TVP23B: variants seen among roughly 807,000 people sequenced by gnomAD.
TVP23B encodes the protein trans-golgi network vesicle protein 23 homolog B.
A neutral mutation model predicts 30.6 loss-of-function variants in TVP23B; 10 were observed. The observed-to-expected ratio is 0.33, with a 90% CI of 0.20 to 0.55. The LOEUF is 0.55. Ranked by LOEUF, TVP23B falls within the 20% of genes least tolerant of loss-of-function variation. TVP23B has a pLI of 0.91. For synonymous variants in TVP23B, 67 were observed against 83.1 expected, an observed-to-expected ratio of 0.81 and a Z score of 1.06; for missense variants, 153 against 243.2, an observed-to-expected ratio of 0.63 and a Z score of 2.47.
intron 1 of TVP23B, among the ~76,000 whole-genome samples, chr17:18,788,649 G>A (rs984795739): frequency 4.3e-4 from 65 of 151,548 alleles, no homozygotes; most frequent in Middle Eastern, 3.4e-3. Flanking sequence ...GGGTGTGGTG[G>A]CACACGCCTG....
intron 1 of TVP23B, among the ~76,000 whole-genome samples, chr17:18,788,719 T>C (rs925564759): frequency 2.0e-5 from 3 of 152,032 alleles, no homozygotes; most frequent in African/African-American, 7.2e-5. Context: ...GAGGCGGAGG[T>C]TGCAGTGAGC....
At chr17:18,787,417 A>C (rs946544811) in intron 1 of TVP23B, among the ~76,000 whole-genome samples, 2 of 149,536 alleles carry the variant, frequency 1.3e-5, no homozygotes, top group African/African-American at 2.5e-5. Context: ...AAAAAAAAAA[A>C]AACCTTGTCT....
intron 1 of TVP23B, among the ~76,000 whole-genome samples, chr17:18,785,036 G>A (rs1347835811): frequency 1.3e-5 from 2 of 152,122 alleles, no homozygotes; most frequent in Non-Finnish European, 2.9e-5. Context: ...CACCTCCACT[G>A]CATCCATCTT....
intron 3 of TVP23B, among the ~76,000 whole-genome samples, chr17:18,794,208 A>G (rs1056219000): frequency 2.1e-4 from 32 of 152,242 alleles, no homozygotes; most frequent in African/African-American, 7.5e-4. Context: ...GGCAACATCA[A>G]TTTGATAGCA....
chr17:18,788,718 G>A (rs1468291810), intron 1 of TVP23B, among the ~76,000 whole-genome samples: 4 of 152,062 alleles, frequency 2.6e-5, no homozygotes, highest in Non-Finnish European at 5.9e-5. Context: ...GGAGGCGGAG[G>A]TTGCAGTGAG....
In TVP23B at chr17:18,781,277, G is replaced by A; in HGVS notation, c.-17G>A. On this transcript the variant is annotated 5_prime_UTR_variant, in exon 1 of 7. Transcript: ENST00000307767. ...CGCTGACGTGGCTCCCGGAAGTAGG[G>A]CTGGCGTAGGGCCGCCATGTTGCAG... The A allele has an allele frequency of 2.5e-6, 4 of 1,569,094 alleles. No individual in the cohort carries two copies. In the South Asian group the frequency reaches 3.5e-5, roughly 14 times the overall value.
chr17:18,805,538 C>A lies in TVP23B; in HGVS notation c.592-3C>A, dbSNP rs1418929949. On this transcript the variant is annotated splice_polypyrimidine_tract_variant and splice_region_variant and intron_variant, in intron 6 of 6. Transcript: ENST00000307767. ...AGGAGTTTTTTTTTTTTGTCTTTTGCAGAACACTGGAGATGATCAGACTTC... is the reference window on the plus strand; with the variant it reads ...AGGAGTTTTTTTTTTTTGTCTTTTGAAGAACACTGGAGATGATCAGACTTC... 7 of 1,588,376 alleles carry A rather than the reference C, an allele frequency of 4.4e-6. No individual in the cohort carries two copies. The highest frequency in any genetic ancestry group is 1.4e-5 in the African/African-American group (1 of 72,332).
Position 18,800,006 on chromosome 17 carries a change from C to T in TVP23B, c.462+1063C>T, listed in dbSNP as rs181898003. Among the ~76,000 whole-genome samples, 854 of 152,262 alleles carry T rather than the reference C, an allele frequency of 5.6e-3. 6 individuals carry two copies. The highest frequency in any genetic ancestry group is 0.02 in the African/African-American group (811 of 41,562). On this transcript the variant is annotated intron_variant, in intron 5 of 6. Coordinates refer to ENST00000307767, the MANE Select transcript of TVP23B (RefSeq NM_016078.6). The stretch of plus-strand genomic sequence containing the variant: ...CTTTATATGTTTATATCATTACCCT[C>T]TTTCATGAATTAGGAAATTTATTCA...
At chr17:18,788,874 G>A (rs554946691) in intron 1 of TVP23B, among the ~76,000 whole-genome samples, 2 of 152,040 alleles carry the variant, frequency 1.3e-5, no homozygotes, top group South Asian at 4.1e-4. Context: ...CCCCGAGGAG[G>A]CATGAAAAGA....
chr17:18,805,509 G>A (rs200817097), intron 6 of TVP23B, 32 bp from the exon 7 acceptor site: 2 of 1,569,378 alleles, frequency 1.3e-6, no homozygotes, highest in South Asian at 1.1e-5. Context: ...TAACTTTGAT[G>A]TTAAGGAGTT....
chr17:18,783,403 G>A (rs1322059679), intron 1 of TVP23B, among the ~76,000 whole-genome samples: 1 of 152,208 alleles, frequency 6.6e-6, no homozygotes, highest in Non-Finnish European at 1.5e-5. Flanking sequence ...GCCAGGCCCG[G>A]CCGACGGTTC....
chr17:18,781,353 C>G lies in TVP23B; in HGVS notation c.12+48C>G, dbSNP rs369359115. The G allele has an allele frequency of 5.2e-5, 82 of 1,562,416 alleles. No homozygotes were observed. The African/African-American group carries it at 1.0e-3, about 20-fold the overall frequency. Reference sequence around the variant, plus strand: ...GGAGGGTGGCGGCTCCTGGGACTGGCTCTGCAGGTTCCGTGGGACTGGAGC... The same window carrying G: ...GGAGGGTGGCGGCTCCTGGGACTGGGTCTGCAGGTTCCGTGGGACTGGAGC... On this transcript the variant is annotated intron_variant, in intron 1 of 6. Transcript: ENST00000307767.
chr17:18,783,026 G>A (rs1471781512), intron 1 of TVP23B, among the ~76,000 whole-genome samples: 4 of 146,292 alleles, frequency 2.7e-5, no homozygotes, highest in Admixed American at 7.0e-5. Context: ...TTGAACCTGC[G>A]CCCAGGCCGG....
intron 1 of TVP23B, among the ~76,000 whole-genome samples, chr17:18,788,414 C>G (rs1479000924): frequency 6.7e-6 from 1 of 150,036 alleles, no homozygotes; most frequent in Non-Finnish European, 1.5e-5. Context: ...GATTCAGGAT[C>G]AGGGTTCTTA....
At chr17:18,783,290 G>A in intron 1 of TVP23B, among the ~76,000 whole-genome samples, 1 of 152,050 alleles carries the variant, frequency 6.6e-6, no homozygotes, top group Non-Finnish European at 1.5e-5. Flanking sequence ...ATTTTTAGTA[G>A]AGATGGGGTT....
chr17:18,786,042 C>T (rs974948110), intron 1 of TVP23B, among the ~76,000 whole-genome samples: 1 of 152,082 alleles, frequency 6.6e-6, no homozygotes, highest in African/African-American at 2.4e-5. Flanking sequence ...ACCTGGGATC[C>T]CTTCCCCATC....
intron 5 of TVP23B, among the ~76,000 whole-genome samples, chr17:18,802,875 G>T (rs1434660642): frequency 6.6e-6 from 1 of 151,838 alleles, no homozygotes; most frequent in Admixed American, 6.6e-5. Context: ...GAGAAGCATG[G>T]GAAATTAAAA....
chr17:18,804,540 C>G, intron 6 of TVP23B: 3 of 1,145,188 alleles, frequency 2.6e-6, no homozygotes, highest in South Asian at 2.3e-5. Flanking sequence ...TGTTTTTCAT[C>G]AATTATGGGA....
chr17:18,805,373 G>C (rs1051254066), intron 6 of TVP23B, among the ~76,000 whole-genome samples, 168 bp from the exon 7 acceptor site: 2 of 151,992 alleles, frequency 1.3e-5, no homozygotes, highest in African/African-American at 2.4e-5. Context: ...TGTAAGCCAC[G>C]GCGCCCAGCC....
Sources: gnomAD v4.1 joint callset for allele counts (sites outside exome capture counted in the v4.1 genomes callset) on GRCh38, gnomAD v4.1.1 for gene constraint, MANE v1.5 for transcripts, NCBI Gene and HGNC (gene_info 2026-07-23, HGNC 2026-07-21) for gene names.